The following TTC39B variants were observed in gnomAD, a reference collection of about 807,000 sequenced individuals.
TTC39B encodes the protein tetratricopeptide repeat domain 39B.
In TTC39B, 92 loss-of-function variants were observed where a neutral mutation model predicts 96.6. The observed-to-expected ratio is 0.95, with a 90% CI of 0.80 to 1.13. The LOEUF (loss-of-function observed/expected upper bound fraction) is 1.13. Ranked by LOEUF, TTC39B falls within the 50% of genes most tolerant of loss-of-function variation. The pLI is 0.00. For synonymous variants in TTC39B, 367 were observed against 299.4 expected (o/e 1.23, Z -2.33); for missense variants, 955 against 809.3 (o/e 1.18, Z -2.18).
chr9:15,244,903 CA>C (rs1190757282), intron 2 of TTC39B, among the ~76,000 whole-genome samples: 1 of 152,024 alleles, frequency 6.6e-6, no homozygotes, highest in East Asian at 1.9e-4. Context: ...ATTCTGACAA[CA>C]AGTTTTCCTT....
intron 2 of TTC39B, among the ~76,000 whole-genome samples, chr9:15,241,108 T>C (rs1467587695): frequency 6.6e-6 from 1 of 152,164 alleles, no homozygotes; most frequent in African/African-American, 2.4e-5. Flanking sequence ...ATGTAGCACA[T>C]GAGGCCCATG....
chr9:15,264,641 C>T (rs567335368), intron 2 of TTC39B, among the ~76,000 whole-genome samples: 99 of 124,808 alleles, frequency 7.9e-4, no homozygotes, highest in Non-Finnish European at 1.1e-3. Flanking sequence ...GGCGACAGAG[C>T]GAGACTCTGT....
At chr9:15,217,829 T>G (rs1235132006) in intron 3 of TTC39B, among the ~76,000 whole-genome samples, 1 of 152,088 alleles carries the variant, frequency 6.6e-6, no homozygotes. Flanking sequence ...GAACCTAAAG[T>G]AGCTACCCAC....
At chr9:15,190,651 G>C (rs201388329) in exon 11 of TTC39B, 1 of 1,613,860 alleles carries the variant, frequency 6.2e-7, no homozygotes, top group African/African-American at 1.3e-5. Flanking sequence ...GTAACTGCAG[G>C]AGGCCCAACT....
intron 2 of TTC39B, among the ~76,000 whole-genome samples, chr9:15,263,264 C>G (rs987835187): frequency 6.6e-6 from 1 of 152,156 alleles, no homozygotes; most frequent in African/African-American, 2.4e-5. Context: ...AGAAAAGTAC[C>G]GATGTTCACT....
At chr9:15,290,303 C>A (rs1824137022) in intron 1 of TTC39B, among the ~76,000 whole-genome samples, 1 of 152,062 alleles carries the variant, frequency 6.6e-6, no homozygotes, top group Non-Finnish European at 1.5e-5. Flanking sequence ...CTCATCATGC[C>A]AAAGAGAAAA....
chr9:15,258,255 G>C (rs759972124), intron 2 of TTC39B, among the ~76,000 whole-genome samples: 2 of 152,080 alleles, frequency 1.3e-5, no homozygotes, highest in Non-Finnish European at 2.9e-5. Flanking sequence ...TGAACGGATG[G>C]GAAATATATA....
intron 8 of TTC39B, among the ~76,000 whole-genome samples, chr9:15,199,608 G>A (rs9695843): frequency 9.3e-5 from 14 of 151,300 alleles, no homozygotes; most frequent in Admixed American, 2.0e-4. Context: ...GGTGGCGGGC[G>A]CCTGTAGTCC....
chr9:15,180,027 A>G (rs1016517283), intron 17 of TTC39B, among the ~76,000 whole-genome samples: 1 of 152,238 alleles, frequency 6.6e-6, no homozygotes, highest in Non-Finnish European at 1.5e-5. Flanking sequence ...ATAGATGAAC[A>G]TTTCGACACA....
chr9:15,265,876 C>T (rs952508038), intron 2 of TTC39B, among the ~76,000 whole-genome samples: 3 of 152,002 alleles, frequency 2.0e-5, no homozygotes, highest in African/African-American at 7.3e-5. Context: ...GGCCATTCTA[C>T]AAAATAACTG....
chr9:15,246,995 T>C (rs1252953522), intron 2 of TTC39B, among the ~76,000 whole-genome samples: 9 of 152,386 alleles, frequency 5.9e-5, no homozygotes, highest in Admixed American at 2.0e-4. Context: ...ATAACATTAC[T>C]GCATCATGAG....
chr9:15,217,920 C>T (rs560767), intron 3 of TTC39B, among the ~76,000 whole-genome samples: 67,974 of 151,916 alleles, frequency 0.45, 16,292 homozygotes, highest in African/African-American at 0.61. Context: ...TTAAAAACAG[C>T]CCAGTATAGC....
chr9:15,242,309 C>A (rs1235467430), intron 2 of TTC39B, among the ~76,000 whole-genome samples: 1 of 152,184 alleles, frequency 6.6e-6, no homozygotes, highest in Admixed American at 6.5e-5. Context: ...AGGCTGGGCA[C>A]AGTGGCTCAT....
intron 1 of TTC39B, among the ~76,000 whole-genome samples, chr9:15,283,850 C>G (rs2131588052): frequency 6.6e-6 from 1 of 151,938 alleles, no homozygotes; most frequent in East Asian, 1.9e-4. Flanking sequence ...ATACAAGTTT[C>G]CATATAAAGA....
chr9:15,257,775 TTAG>T (rs1407626010), intron 2 of TTC39B, among the ~76,000 whole-genome samples: 16 of 151,376 alleles, frequency 1.1e-4, no homozygotes, highest in South Asian at 4.2e-4. Context: ...AAAAATAATT[TTAG>T]GCCAGGCACG....
intron 1 of TTC39B, among the ~76,000 whole-genome samples, chr9:15,297,389 T>C (rs890054188): frequency 1.3e-5 from 2 of 152,154 alleles, no homozygotes; most frequent in Non-Finnish European, 2.9e-5. Context: ...AGGGACTTGC[T>C]CTAAGTCACA....
At chr9:15,208,788 T>C (rs893785535) in intron 6 of TTC39B, among the ~76,000 whole-genome samples, 2 of 152,138 alleles carry the variant, frequency 1.3e-5, no homozygotes, top group African/African-American at 4.8e-5. Context: ...AGATGTGAAA[T>C]GTCTCATAAT....
At chr9:15,191,470 G>A (rs928997969) in intron 9 of TTC39B, among the ~76,000 whole-genome samples, 2 of 152,094 alleles carry the variant, frequency 1.3e-5, no homozygotes, top group Admixed American at 1.3e-4. Context: ...TTTTTTTTAA[G>A]CCTGGTCTTT....
intron 2 of TTC39B, among the ~76,000 whole-genome samples, chr9:15,262,531 T>C (rs1394645296): frequency 6.6e-6 from 1 of 152,176 alleles, no homozygotes; most frequent in African/African-American, 2.4e-5. Flanking sequence ...TTTATTTTAT[T>C]TTATTTTGTG....
Sources: gnomAD v4.1 joint callset for allele counts (sites outside exome capture counted in the v4.1 genomes callset) on GRCh38, gnomAD v4.1.1 for gene constraint, MANE v1.5 for transcripts, NCBI Gene and HGNC (gene_info 2026-07-23, HGNC 2026-07-21) for gene names.